The following GLP2R variants were observed in gnomAD, a reference collection of about 807,000 sequenced individuals.
The protein encoded by GLP2R is glucagon like peptide 2 receptor, also known as glucagon-like peptide 2 receptor.
In GLP2R, 59 loss-of-function variants were observed where a neutral mutation model predicts 68.2. The observed-to-expected ratio is 0.87, with a 90% CI of 0.70 to 1.07. The LOEUF is 1.07. Among genes scored for constraint, GLP2R ranks in the 50% least tolerant of loss-of-function variants. The pLI is 0.00. For missense variants in GLP2R, 548 were observed against 677.4 expected (o/e 0.81, Z 2.12); for synonymous variants, 270 against 265.4 (o/e 1.02, Z -0.17).
intron 6 of GLP2R, among the ~76,000 whole-genome samples, chr17:9,859,650 T>TATAC (rs2066967126): frequency 1.3e-5 from 2 of 148,592 alleles, no homozygotes; most frequent in African/African-American, 4.9e-5. Context: ...TATATATATA[T>TATAC]ATACATACAT....
chr17:9,874,043 T>C (rs140006296), intron 10 of GLP2R, among the ~76,000 whole-genome samples: 44 of 152,136 alleles, frequency 2.9e-4, no homozygotes, highest in African/African-American at 1.0e-3. Context: ...AGCTAATATA[T>C]GTATTATAAG....
Position 9,862,056 on chromosome 17 carries a change from G to A in GLP2R, c.1022G>A (p.Trp341Ter), listed in dbSNP as rs772425874. 6.2e-7 allele frequency: 1 copy of A among 1,613,606 alleles called. No individual in the cohort carries two copies. The highest frequency in any genetic ancestry group is 1.1e-5 in the South Asian group (1 of 91,048). ...WTTNGNKKIW[W>*]IIRGPMMLCV... ...ACAAATGGGAATAAGAAAATCTGGTGGATCATCCGAGGACCCATGATGCTC... is the reference window on the plus strand; with the variant it reads ...ACAAATGGGAATAAGAAAATCTGGTAGATCATCCGAGGACCCATGATGCTC... Residue 341 changes from tryptophan to a stop codon, truncating the protein, a stop_gained, in exon 9 of 13, where the codon TGG (tryptophan) becomes TAG (stop). Coordinates refer to ENST00000262441, the MANE Select transcript of GLP2R (RefSeq NM_004246.3). LOFTEE classifies it high-confidence loss of function.
intron 4 of GLP2R, chr17:9,852,953 C>T (rs2066905128): frequency 2.0e-6 from 1 of 490,058 alleles, no homozygotes; most frequent in Admixed American, 2.4e-5. Context: ...TCTGACTCTG[C>T]ATCTTCCTAA....
chr17:9,881,949 A>G (rs1214932825), intron 11 of GLP2R, among the ~76,000 whole-genome samples: 1 of 152,112 alleles, frequency 6.6e-6, no homozygotes, highest in Non-Finnish European at 1.5e-5. Context: ...GAGATGATAA[A>G]GAGAGGATCT....
In GLP2R at chr17:9,857,450, C is replaced by G. The variant is rs1442054833; in HGVS notation, c.639C>G (p.Ile213Met). 1 of 1,614,176 alleles carries G rather than the reference C, an allele frequency of 6.2e-7. No homozygotes were observed. The highest frequency in any genetic ancestry group is 8.5e-7 in the Non-Finnish European group (1 of 1,180,010). The part of the protein sequence containing the change: ...LRKLHCTRNY[I>M]HMNLFASFIL... ...AACTCCACTGCACGCGCAACTACAT[C>G]CACATGAACTTGTTTGCTTCTTTCA... The change falls in exon 6 of 13, where the codon ATC (isoleucine) becomes ATG (methionine). Residue 213 changes from isoleucine to methionine, a missense_variant. Coordinates refer to ENST00000262441, the MANE Select transcript of GLP2R (RefSeq NM_004246.3).
chr17:9,865,874 G>A (rs1316404375), intron 9 of GLP2R: 1 of 471,074 alleles, frequency 2.1e-6, no homozygotes, highest in Non-Finnish European at 4.4e-6. Flanking sequence ...AGAAATGGGA[G>A]CATTCCCTTT....
intron 12 of GLP2R, among the ~76,000 whole-genome samples, chr17:9,888,707 T>C (rs974269853): frequency 6.6e-5 from 10 of 152,160 alleles, no homozygotes; most frequent in African/African-American, 2.2e-4. Context: ...TCTCAAGTAA[T>C]CCACCTGCTT....
intron 4 of GLP2R, chr17:9,853,115 C>T: frequency 1.9e-6 from 1 of 530,242 alleles, no homozygotes; most frequent in Non-Finnish European, 3.5e-6. Context: ...CTTCGTCATT[C>T]ATTGTCTCTG....
Position 9,836,910 on chromosome 17 carries a change from C to T in GLP2R, c.382+435C>T, listed in dbSNP as rs565961206. On this transcript the variant is annotated intron_variant, in intron 3 of 12. Coordinates refer to ENST00000262441, the MANE Select transcript of GLP2R (RefSeq NM_004246.3). ...TGTCGCCCAGGCTGGAGTGTGGTGG[C>T]GCGATCTCAGCTCACTGCAACCTCC... Among the ~76,000 whole-genome samples, 10 of 152,032 alleles carry T rather than the reference C, an allele frequency of 6.6e-5. No homozygotes were observed. In the East Asian group the frequency reaches 1.9e-3, roughly 29 times the overall value.
intron 9 of GLP2R, chr17:9,865,756 G>T: frequency 2.1e-6 from 1 of 467,206 alleles, no homozygotes; most frequent in Non-Finnish European, 4.4e-6. Context: ...CAACAGGCAT[G>T]CCTAGAAGGG....
At chr17:9,854,915 A>G (rs898881244) in intron 5 of GLP2R, among the ~76,000 whole-genome samples, 4 of 152,184 alleles carry the variant, frequency 2.6e-5, no homozygotes, top group Admixed American at 1.3e-4. Context: ...CTCTCTCTAA[A>G]TATCATTACA....
chr17:9,840,564 T>A (rs539443218), intron 3 of GLP2R, among the ~76,000 whole-genome samples: 2 of 152,350 alleles, frequency 1.3e-5, no homozygotes, highest in South Asian at 4.1e-4. Context: ...TCGTGGGGCT[T>A]ACATTCTTGC....
intron 11 of GLP2R, among the ~76,000 whole-genome samples, chr17:9,887,706 G>T (rs1039678927): frequency 1.3e-5 from 2 of 152,180 alleles, no homozygotes; most frequent in African/African-American, 4.8e-5. Flanking sequence ...GCTGATATAG[G>T]CGGAGCAGGG....
intron 4 of GLP2R, among the ~76,000 whole-genome samples, chr17:9,847,556 C>T (rs1224145110): frequency 1.3e-5 from 2 of 152,132 alleles, no homozygotes; most frequent in Non-Finnish European, 2.9e-5. Flanking sequence ...GTGTGAGCCA[C>T]CGCGCCCGGC....
Position 9,861,215 on chromosome 17 carries a change from G to T in GLP2R, c.986+16G>T. On this transcript the variant is annotated intron_variant, in intron 8 of 12. Coordinates refer to ENST00000262441, the MANE Select transcript of GLP2R (RefSeq NM_004246.3). Reference sequence around the variant, plus strand: ...AGAACACAGGGTAGGTAATTCACCAGGTGTTATTCTTTCACGAGCCGGTAA... The same window carrying T: ...AGAACACAGGGTAGGTAATTCACCATGTGTTATTCTTTCACGAGCCGGTAA... The T allele has an allele frequency of 6.4e-7, 1 of 1,558,478 alleles. No homozygotes were observed. Among genetic ancestry groups the T allele is most frequent in the Non-Finnish European group, 8.8e-7 (1 of 1,131,662 alleles).
At chr17:9,835,542 A>G (rs1440761165) in intron 2 of GLP2R, among the ~76,000 whole-genome samples, 2 of 152,162 alleles carry the variant, frequency 1.3e-5, no homozygotes, top group African/African-American at 4.8e-5. Context: ...AGATATGACT[A>G]TATAGTACTT....
In GLP2R at chr17:9,890,029, C is replaced by T. The variant is rs1461032281; in HGVS notation, c.*324C>T. On this transcript the variant is annotated 3_prime_UTR_variant, in exon 13 of 13. Transcript: ENST00000262441. ...AGAGAGGTCTCCTGTTATAGAGAAG[C>T]CAGCCAATATCTCTTCCTTTATCCC... 7 of 482,164 alleles carry T rather than the reference C, an allele frequency of 1.5e-5. No homozygotes were observed. Among genetic ancestry groups the T allele is most frequent in the Admixed American group, 1.4e-4 (6 of 43,230 alleles). 29.9% of individuals were successfully genotyped at this position (482,164 alleles called of 1,614,324 possible).
intron 2 of GLP2R, 132 bp from the exon 3 acceptor site, chr17:9,836,239 C>T (rs1220918024): frequency 4.6e-6 from 3 of 654,334 alleles, no homozygotes; most frequent in Non-Finnish European, 8.4e-6. Flanking sequence ...GTGGGGCACC[C>T]ATGCTGGTTT....
chr17:9,842,409 C>T (rs1244246853), intron 3 of GLP2R, 86 bp from the exon 4 acceptor site: 2 of 1,531,330 alleles, frequency 1.3e-6, no homozygotes, highest in Non-Finnish European at 1.8e-6. Context: ...ATCCCTTCTC[C>T]CTGGGATTTT....
Sources: allele counts gnomAD v4.1 joint callset (sites outside exome capture counted in the v4.1 genomes callset), GRCh38; gene constraint gnomAD v4.1.1; transcripts MANE v1.5; gene names NCBI Gene and HGNC (gene_info 2026-07-23, HGNC 2026-07-21).